Variants in GNG12 observed in about 807,000 individuals in gnomAD.
The protein encoded by GNG12 is guanine nucleotide-binding protein G(I)/G(S)/G(O) subunit gamma-12.
For synonymous variants in GNG12, 28 were observed against 29.7 expected, an observed-to-expected ratio of 0.94 and a Z score of 0.19; for missense variants, 69 against 83.8, an observed-to-expected ratio of 0.82 and a Z score of 0.69.
intron 1 of GNG12, among the ~76,000 whole-genome samples, chr1:67,786,339 C>T (rs1342801010): frequency 6.6e-6 from 1 of 152,172 alleles, no homozygotes; most frequent in Non-Finnish European, 1.5e-5. Flanking sequence ...ATTTCCATAA[C>T]ATGCCCAGTG....
chr1:67,770,842 C>A (rs1466806989), intron 2 of GNG12, among the ~76,000 whole-genome samples: 1 of 152,192 alleles, frequency 6.6e-6, no homozygotes, highest in Non-Finnish European at 1.5e-5. Flanking sequence ...CAGTGGGCAG[C>A]TGGAGGCCAC....
chr1:67,777,749 T>G (rs191014317), intron 1 of GNG12, among the ~76,000 whole-genome samples: 3 of 152,180 alleles, frequency 2.0e-5, no homozygotes, highest in Admixed American at 2.0e-4. Context: ...AGCGTAACTA[T>G]AAATGGTAGT....
intron 2 of GNG12, among the ~76,000 whole-genome samples, chr1:67,740,139 A>T (rs1484410360): frequency 6.6e-6 from 1 of 152,340 alleles, no homozygotes; most frequent in East Asian, 1.9e-4. Context: ...TTAAGTAAAA[A>T]ATGTATAGTT....
chr1:67,798,234 A>G (rs1023017298), intron 1 of GNG12, among the ~76,000 whole-genome samples: 2 of 152,160 alleles, frequency 1.3e-5, no homozygotes, highest in Non-Finnish European at 1.5e-5. Context: ...CTGTGGACTC[A>G]GCGGCAGCAT....
chr1:67,795,949 A>G (rs1646829131), intron 1 of GNG12, among the ~76,000 whole-genome samples: 2 of 152,248 alleles, frequency 1.3e-5, no homozygotes, highest in South Asian at 2.1e-4. Context: ...ACTCACAAGA[A>G]TACTTTCTCC....
chr1:67,810,931 G>A (rs1260087236), intron 1 of GNG12, among the ~76,000 whole-genome samples: 2 of 152,218 alleles, frequency 1.3e-5, no homozygotes, highest in East Asian at 3.8e-4. Context: ...TAATACAACA[G>A]GTAGTTAGTG....
chr1:67,705,651 T>C, intron 3 of GNG12, 75 bp from the exon 4 acceptor site: 2 of 1,513,696 alleles, frequency 1.3e-6, no homozygotes, highest in Non-Finnish European at 1.8e-6. Context: ...ATTTGAATGC[T>C]AGGCTATTGA....
intron 1 of GNG12, among the ~76,000 whole-genome samples, chr1:67,829,580 T>C (rs1647031482): frequency 6.6e-6 from 1 of 152,246 alleles, no homozygotes; most frequent in East Asian, 1.9e-4. Context: ...TTATTGAATG[T>C]GGACTATGCA....
Position 67,704,411 on chromosome 1 carries a change from G to A in GNG12, c.*1040C>T, listed in dbSNP as rs961526054. ...TCTGCAAACAGATGCTCTGGTAAGA[G>A]AAGAAAGACACAGGGAAGGCAGAGA... On this transcript the variant is annotated 3_prime_UTR_variant, in exon 4 of 4. Coordinates refer to ENST00000370982, the MANE Select transcript of GNG12 (RefSeq NM_018841.6). 2 of 152,220 alleles carry A rather than the reference G, an allele frequency of 1.3e-5. No individual in the cohort carries two copies. The highest frequency in any genetic ancestry group is 4.8e-5 in the African/African-American group (2 of 41,432). 9.4% of individuals were successfully genotyped at this position (152,220 alleles called of 1,614,324 possible).
chr1:67,759,951 C>T (rs1037482501), intron 2 of GNG12, among the ~76,000 whole-genome samples: 24 of 152,212 alleles, frequency 1.6e-4, no homozygotes, highest in Non-Finnish European at 4.4e-5. Flanking sequence ...GTCCACTCTA[C>T]TGTTTAAGGG....
chr1:67,729,253 CT>C (rs1646405274), intron 2 of GNG12, among the ~76,000 whole-genome samples: 1 of 152,186 alleles, frequency 6.6e-6, no homozygotes, highest in Non-Finnish European at 1.5e-5. Context: ...GCAGAGGACT[CT>C]TAGATCTATC....
At chr1:67,809,736 C>T (rs1036881789) in intron 1 of GNG12, among the ~76,000 whole-genome samples, 1 of 152,100 alleles carries the variant, frequency 6.6e-6, no homozygotes, top group Non-Finnish European at 1.5e-5. Context: ...TACCACCACA[C>T]ACCTACCAGA....
intron 1 of GNG12, among the ~76,000 whole-genome samples, chr1:67,787,783 C>A (rs1646779217): frequency 6.6e-6 from 1 of 152,206 alleles, no homozygotes; most frequent in Non-Finnish European, 1.5e-5. Flanking sequence ...TTCCATTTTA[C>A]AGGTAAGTTG....
chr1:67,824,488 T>C (rs564908705), intron 1 of GNG12, among the ~76,000 whole-genome samples: 1 of 120,228 alleles, frequency 8.3e-6, no homozygotes, highest in Non-Finnish European at 1.6e-5. Flanking sequence ...CCAGCCAGGA[T>C]GACAGACTGA....
rs559727831 is a variant in GNG12 at position 67,704,541 on chromosome 1, T to C, written c.*910A>G. 2 of 152,544 alleles carry C rather than the reference T, an allele frequency of 1.3e-5. No homozygotes were observed. Among genetic ancestry groups the C allele is most frequent in the Admixed American group, 6.5e-5 (1 of 15,274 alleles). The allele number at this position is 152,544 out of a possible 1,614,324, so 9.4% of individuals were successfully genotyped here. On this transcript the variant is annotated 3_prime_UTR_variant, in exon 4 of 4. Transcript: ENST00000370982. ...TGGGCTCATGTTCACTCCGTTTCAT[T>C]CCAATCATCAGGGTGGAGATTTCAG...
At chr1:67,762,589 A>G (rs928233751) in intron 2 of GNG12, among the ~76,000 whole-genome samples, 2 of 152,242 alleles carry the variant, frequency 1.3e-5, no homozygotes, top group African/African-American at 4.8e-5. Flanking sequence ...ACATACATAT[A>G]TGGCATCCTT....
chr1:67,727,862 C>T (rs1057316844), intron 2 of GNG12, among the ~76,000 whole-genome samples: 1 of 152,136 alleles, frequency 6.6e-6, no homozygotes, highest in African/African-American at 2.4e-5. Context: ...ATTTAGCATG[C>T]AAATTTATGT....
rs1646283176 is a variant in GNG12 at position 67,710,113 on chromosome 1, G to GTTATATATATAGTT, written c.-26-2415_-26-2402dup. ...AGTTATATATATAGTTATATATATA[G>GTTATATATATAGTT]TTATATATATAGTTATATATATAGT... On this transcript the variant is annotated intron_variant, in intron 2 of 3. Coordinates refer to ENST00000370982, the MANE Select transcript of GNG12 (RefSeq NM_018841.6). 5.1e-4 allele frequency among the ~76,000 whole-genome samples: 6 copies of GTTATATATATAGTT among 11,832 alleles called. 1 individual carries two copies. Among genetic ancestry groups the GTTATATATATAGTT allele is most frequent in the African/African-American group, 1.0e-3 (4 of 3,958 alleles). The allele number at this position is 11,832 out of a possible 152,430, so 7.8% of individuals were successfully genotyped here. A position where few individuals can be genotyped will look rare whatever the true frequency, so the allele number is the denominator to read the frequency against.
chr1:67,805,106 C>T (rs906136651), intron 1 of GNG12, among the ~76,000 whole-genome samples: 9 of 152,136 alleles, frequency 5.9e-5, no homozygotes, highest in African/African-American at 2.2e-4. Flanking sequence ...CCTGTCCCAC[C>T]TAAGGGAAGA....
Sources: allele counts gnomAD v4.1 joint callset (sites outside exome capture counted in the v4.1 genomes callset), GRCh38; gene constraint gnomAD v4.1.1; transcripts MANE v1.5; gene names NCBI Gene and HGNC (gene_info 2026-07-23, HGNC 2026-07-21).